Variants in SCML4 observed in about 807,000 individuals in gnomAD.
SCML4 encodes Scm polycomb group protein like 4.
In SCML4, 34 loss-of-function variants were observed where a neutral mutation model predicts 41.1. That is an observed-to-expected ratio of 0.83 (90% CI 0.63 to 1.10). The LOEUF (loss-of-function observed/expected upper bound fraction) is 1.10, where lower values mean the gene tolerates loss of function less well. Among genes scored for constraint, SCML4 ranks in the 50% least tolerant of loss-of-function variants. The pLI is 0.00. For synonymous variants in SCML4, 214 were observed against 220.9 expected (o/e 0.97, Z 0.28); for missense variants, 522 against 534.1 (o/e 0.98, Z 0.22).
chr6:107,822,647 T>C (rs1251807568), intron 1 of SCML4, among the ~76,000 whole-genome samples: 1 of 152,062 alleles, frequency 6.6e-6, no homozygotes, highest in East Asian at 1.9e-4. Flanking sequence ...AACTGATGAA[T>C]TTACCAAAAT....
At chr6:107,814,206 G>A (rs528739555) in intron 1 of SCML4, among the ~76,000 whole-genome samples, 9 of 152,282 alleles carry the variant, frequency 5.9e-5, no homozygotes, top group Admixed American at 2.0e-4. Context: ...TCGTTCTTAC[G>A]TATTGAACAA....
At chr6:107,802,313 A>G (rs1396857900) in intron 1 of SCML4, among the ~76,000 whole-genome samples, 1 of 152,174 alleles carries the variant, frequency 6.6e-6, no homozygotes, top group Non-Finnish European at 1.5e-5. Flanking sequence ...TTTGACATTG[A>G]TGGTCCAGTC....
intron 3 of SCML4, among the ~76,000 whole-genome samples, chr6:107,749,176 C>T (rs1778395146): frequency 6.6e-6 from 1 of 151,936 alleles, no homozygotes; most frequent in Non-Finnish European, 1.5e-5. Context: ...ATCAGCTTGT[C>T]ATTACTATTA....
At chr6:107,736,548 C>T (rs530645777) in intron 5 of SCML4, among the ~76,000 whole-genome samples, 22 of 152,280 alleles carry the variant, frequency 1.4e-4, no homozygotes, top group African/African-American at 4.6e-4. Context: ...CTGTGCGCCT[C>T]GCTGCATTAC....
rs748239424 is a variant in SCML4, at chr6:107,745,028, G to A, written c.603C>T (p.Leu201=). 6.2e-7 allele frequency: 1 copy of A among 1,614,166 alleles called. No homozygotes were observed. Among genetic ancestry groups the A allele is most frequent in the South Asian group, 1.1e-5 (1 of 91,080 alleles). The change falls in exon 5 of 8, where the codon CTC becomes CTT. Residue 201 remains leucine, a synonymous_variant. Coordinates refer to ENST00000369020, the MANE Select transcript of SCML4 (RefSeq NM_198081.5). ...CCCTGGGGAAGGGCTGGTGGCTGAA[G>A]AGGTCATCGCACAGGAGGCTTCGGC... ...KLCRSLLCDD[L]FSHQPFPRGC...
At chr6:107,716,910 C>T (rs1774863022) in intron 6 of SCML4, among the ~76,000 whole-genome samples, 1 of 152,082 alleles carries the variant, frequency 6.6e-6, no homozygotes, top group Non-Finnish European at 1.5e-5. Flanking sequence ...TCTCCCCACC[C>T]ACTTCCTCTG....
intron 1 of SCML4, among the ~76,000 whole-genome samples, chr6:107,782,674 G>T (rs1781602473): frequency 6.6e-6 from 1 of 152,194 alleles, no homozygotes; most frequent in Admixed American, 6.5e-5. Context: ...GCAGGTGCTG[G>T]TCTGAGTTTG....
intron 5 of SCML4, among the ~76,000 whole-genome samples, chr6:107,736,806 AC>A (rs1297421937): frequency 1.3e-5 from 2 of 152,218 alleles, no homozygotes; most frequent in Non-Finnish European, 2.9e-5. Flanking sequence ...AGTGACTATT[AC>A]TGGGAGGGTG....
At chr6:107,803,579 A>G (rs577538534) in intron 1 of SCML4, among the ~76,000 whole-genome samples, 1 of 147,722 alleles carries the variant, frequency 6.8e-6, no homozygotes, top group Non-Finnish European at 1.5e-5. Context: ...ACGGGCCATG[A>G]TGACAATGGC....
intron 5 of SCML4, among the ~76,000 whole-genome samples, chr6:107,730,890 G>A (rs1001625375): frequency 3.3e-5 from 5 of 152,174 alleles, no homozygotes; most frequent in Non-Finnish European, 5.9e-5. Flanking sequence ...TAAGCCTTCC[G>A]GTTTAGGGAT....
chr6:107,825,409 T>A (rs1048772721), upstream of SCML4, among the ~76,000 whole-genome samples: 2 of 152,240 alleles, frequency 1.3e-5, no homozygotes, highest in African/African-American at 4.8e-5. Flanking sequence ...AATATATGTG[T>A]AGAGTCACAT....
intron 2 of SCML4, among the ~76,000 whole-genome samples, chr6:107,758,395 G>A (rs550163721): frequency 6.6e-6 from 1 of 152,232 alleles, no homozygotes; most frequent in Non-Finnish European, 1.5e-5. Flanking sequence ...AAGAGGTCAA[G>A]TTAGGTGGTT....
At chr6:107,764,502 A>G (rs1036817381) in intron 2 of SCML4, among the ~76,000 whole-genome samples, 1 of 152,078 alleles carries the variant, frequency 6.6e-6, no homozygotes, top group Non-Finnish European at 1.5e-5. Flanking sequence ...ATGGGTTCAG[A>G]TGCTGGTCTG....
intron 6 of SCML4, among the ~76,000 whole-genome samples, chr6:107,714,581 C>T (rs1040028661): frequency 2.0e-5 from 3 of 152,156 alleles, no homozygotes; most frequent in Non-Finnish European, 2.9e-5. Flanking sequence ...AGAACAGGGC[C>T]GGTGTCCATC....
intron 7 of SCML4, among the ~76,000 whole-genome samples, chr6:107,705,840 T>C (rs564901128): frequency 1.3e-5 from 2 of 152,286 alleles, no homozygotes; most frequent in African/African-American, 4.8e-5. Context: ...CTAGATGGAA[T>C]ACACTAAAGA....
chr6:107,746,786 C>T lies in SCML4; in HGVS notation c.390G>A (p.Val130=), dbSNP rs752742400. Reference sequence around the variant, plus strand: ...TGCAGGCTTGGACGGCCTGCTGCAGCACCGCCGATGGCCGCTCGGGCCCAA... The same window carrying T: ...TGCAGGCTTGGACGGCCTGCTGCAGTACCGCCGATGGCCGCTCGGGCCCAA... ...EHFGPERPSA[V]LQQAVQACID... The change falls in exon 4 of 8, where the codon GTG becomes GTA. Residue 130 remains valine (V), a synonymous_variant. Coordinates refer to ENST00000369020, the MANE Select transcript of SCML4 (RefSeq NM_198081.5). The T allele has an allele frequency of 1.3e-5, 21 of 1,613,772 alleles. 1 individual carries two copies. The African/African-American group carries it at 2.8e-4, about 22-fold the overall frequency.
At chr6:107,730,069 G>T (rs901014775) in intron 5 of SCML4, among the ~76,000 whole-genome samples, 1 of 152,164 alleles carries the variant, frequency 6.6e-6, no homozygotes, top group African/African-American at 2.4e-5. Context: ...CCAACATGAG[G>T]CAGATGAATT....
chr6:107,844,529 C>A, the SCML4 span, among the ~76,000 whole-genome samples: 1 of 151,810 alleles, frequency 6.6e-6, no homozygotes, highest in African/African-American at 2.4e-5. Flanking sequence ...GAGATCCTGT[C>A]TCTACATAAT....
intron 2 of SCML4, among the ~76,000 whole-genome samples, chr6:107,755,179 C>T (rs1248334077): frequency 1.3e-5 from 2 of 151,962 alleles, no homozygotes; most frequent in East Asian, 3.9e-4. Context: ...TTATAATTGG[C>T]TGTTACTTCT....
Sources: allele counts gnomAD v4.1 joint callset (sites outside exome capture counted in the v4.1 genomes callset), GRCh38; gene constraint gnomAD v4.1.1; transcripts MANE v1.5; gene names NCBI Gene and HGNC (gene_info 2026-07-23, HGNC 2026-07-21).